SOX5: variants seen among roughly 807,000 people sequenced by gnomAD.
The protein encoded by SOX5 is transcription factor SOX-5.
Under a neutral mutation model 92.0 loss-of-function variants are expected in SOX5, and 9 were observed. The observed-to-expected ratio is 0.10, with a 90% CI of 0.06 to 0.17. The LOEUF (loss-of-function observed/expected upper bound fraction) is 0.17, where lower values mean the gene tolerates loss of function less well. Among genes scored for constraint, SOX5 ranks in the 10% least tolerant of loss-of-function variants. The pLI, the probability that SOX5 is intolerant of heterozygous loss-of-function variation, is 1.00. For missense variants in SOX5, 642 were observed against 944.5 expected, an observed-to-expected ratio of 0.68 and a Z score of 4.20; for synonymous variants, 344 against 336.3, an observed-to-expected ratio of 1.02 and a Z score of -0.25.
At chr12:23,860,407 T>A (rs2096741872) in intron 2 of SOX5, among the ~76,000 whole-genome samples, 1 of 151,116 alleles carries the variant, frequency 6.6e-6, no homozygotes, top group Non-Finnish European at 1.5e-5. Flanking sequence ...AAAAAAAGAG[T>A]CAAAGATAAA....
chr12:23,798,703 T>C (rs1302290866), intron 3 of SOX5, among the ~76,000 whole-genome samples: 1 of 151,504 alleles, frequency 6.6e-6, no homozygotes, highest in East Asian at 1.9e-4. Context: ...CAATGGTCTA[T>C]AACTATTTCT....
At chr12:23,914,465 T>C (rs1269387535) in intron 1 of SOX5, among the ~76,000 whole-genome samples, 1 of 152,196 alleles carries the variant, frequency 6.6e-6, no homozygotes, top group Non-Finnish European at 1.5e-5. Flanking sequence ...CCTTGAGGTA[T>C]ATCTAGAAGC....
chr12:24,186,250 T>C (rs1408032241), intron 4 of SOX5, among the ~76,000 whole-genome samples: 1 of 152,098 alleles, frequency 6.6e-6, no homozygotes, highest in African/African-American at 2.4e-5. Context: ...TAGTATGAGG[T>C]GAGTGAACAT....
At chr12:23,554,005 G>A (rs1471123429) in intron 11 of SOX5, among the ~76,000 whole-genome samples, 1 of 152,028 alleles carries the variant, frequency 6.6e-6, no homozygotes, top group Non-Finnish European at 1.5e-5. Context: ...GTTCAGAAAT[G>A]CTGGGTCTGA....
chr12:23,532,122 ATTATT>A lies in SOX5; in HGVS notation c.*2092_*2096del, dbSNP rs1939219855. ...TATTATTATTATTACTATTATTATTATTATTTTATCATCATCATCATTACAACACT... is the reference window on the plus strand; with the variant it reads ...TATTATTATTATTACTATTATTATTATTATCATCATCATCATTACAACACT... On this transcript the variant is annotated 3_prime_UTR_variant, in exon 15 of 15. Transcript: ENST00000451604. The A allele has an allele frequency of 6.6e-6, 1 of 151,312 alleles. No individual in the cohort carries two copies. The highest frequency in any genetic ancestry group is 6.6e-5 in the Admixed American group (1 of 15,158). The allele number at this position is 151,312 out of a possible 1,614,324, so 9.4% of individuals were successfully genotyped here. A position where few individuals can be genotyped will look rare whatever the true frequency, so the allele number is the denominator to read the frequency against.
intron 2 of SOX5, among the ~76,000 whole-genome samples, chr12:23,877,122 C>A (rs1179380135): frequency 6.6e-6 from 1 of 152,070 alleles, no homozygotes; most frequent in Non-Finnish European, 1.5e-5. Context: ...GCACATGTAT[C>A]CCAGAACTTA....
chr12:23,615,578 C>T (rs1285518254), intron 8 of SOX5, among the ~76,000 whole-genome samples: 1 of 152,132 alleles, frequency 6.6e-6, no homozygotes, highest in Non-Finnish European at 1.5e-5. Context: ...TTAGCTCTCA[C>T]TTATAGGTGA....
chr12:24,017,866 T>C (rs1456205613), intron 4 of SOX5, among the ~76,000 whole-genome samples: 4 of 152,230 alleles, frequency 2.6e-5, no homozygotes, highest in Non-Finnish European at 5.9e-5. Flanking sequence ...CACATCACTT[T>C]CTGCAACCCT....
intron 3 of SOX5, among the ~76,000 whole-genome samples, chr12:23,793,131 A>G (rs2095505301): frequency 6.6e-6 from 1 of 152,222 alleles, no homozygotes; most frequent in Non-Finnish European, 1.5e-5. Context: ...TCCTGTAACT[A>G]TAAATTCTCC....
chr12:24,409,941 G>A (rs979888467), intron 1 of SOX5, among the ~76,000 whole-genome samples: 1 of 151,144 alleles, frequency 6.6e-6, no homozygotes, highest in Non-Finnish European at 1.5e-5. Context: ...CCAATCTGTA[G>A]CTTGGTTTTT....
At chr12:23,912,785 G>GA (rs1347491959) in intron 1 of SOX5, among the ~76,000 whole-genome samples, 2 of 151,602 alleles carry the variant, frequency 1.3e-5, no homozygotes, top group Non-Finnish European at 1.5e-5. Flanking sequence ...GTCCAGAATA[G>GA]AAAAAATTGT....
chr12:23,629,953 A>G (rs1221460218), intron 8 of SOX5, among the ~76,000 whole-genome samples: 1 of 152,040 alleles, frequency 6.6e-6, no homozygotes, highest in Non-Finnish European at 1.5e-5. Flanking sequence ...TTGGTCAAAT[A>G]AAAATTTTCT....
intron 4 of SOX5, among the ~76,000 whole-genome samples, chr12:23,962,260 A>G (rs1257162736): frequency 2.1e-5 from 2 of 96,756 alleles, no homozygotes; most frequent in East Asian, 6.3e-4. Context: ...AATTTGGACA[A>G]TTAGATAGTC....
At chr12:24,193,380 C>G (rs1956712662) in intron 4 of SOX5, among the ~76,000 whole-genome samples, 2 of 152,324 alleles carry the variant, frequency 1.3e-5, no homozygotes, top group African/African-American at 4.8e-5. Flanking sequence ...CCTGCCACTA[C>G]CCAGGGACTG....
intron 4 of SOX5, among the ~76,000 whole-genome samples, chr12:24,127,920 C>G (rs1396411325): frequency 1.3e-5 from 2 of 152,188 alleles, no homozygotes; most frequent in African/African-American, 4.8e-5. Flanking sequence ...TCTACCATTT[C>G]CCTTAGGGAA....
intron 1 of SOX5, among the ~76,000 whole-genome samples, chr12:24,457,157 G>A (rs1943109878): frequency 6.6e-6 from 1 of 152,078 alleles, no homozygotes; most frequent in South Asian, 2.1e-4. Context: ...ACATTTTAAA[G>A]CGCAAATCGC....
At chr12:23,622,293 A>G (rs1005473350) in intron 8 of SOX5, among the ~76,000 whole-genome samples, 1 of 149,406 alleles carries the variant, frequency 6.7e-6, no homozygotes, top group Non-Finnish European at 1.5e-5. Context: ...TAAAGCTCTT[A>G]AGATTCCAGG....
At chr12:24,115,037 A>G (rs935349641) in intron 4 of SOX5, among the ~76,000 whole-genome samples, 6 of 152,224 alleles carry the variant, frequency 3.9e-5, no homozygotes, top group African/African-American at 1.4e-4. Context: ...AATTTCAAAG[A>G]TAGGCTTGAA....
chr12:24,101,267 G>A (rs2137969819), intron 4 of SOX5, among the ~76,000 whole-genome samples: 1 of 152,156 alleles, frequency 6.6e-6, no homozygotes, highest in South Asian at 2.1e-4. Flanking sequence ...CTTCCTTCCT[G>A]TGCCTTGAAC....
Sources: gnomAD v4.1 joint callset for allele counts (sites outside exome capture counted in the v4.1 genomes callset) on GRCh38, gnomAD v4.1.1 for gene constraint, MANE v1.5 for transcripts, NCBI Gene and HGNC (gene_info 2026-07-23, HGNC 2026-07-21) for gene names.